CFAP47: variants seen among roughly 807,000 people sequenced by gnomAD.
CFAP47 encodes the protein cilia- and flagella-associated protein 47.
CFAP47 carries 29 observed loss-of-function variants against 148.1 expected under a neutral mutation model. The ratio of observed to expected loss-of-function variants is 0.20; its 90% CI spans 0.15 to 0.27. The LOEUF is 0.27. CFAP47 is among the 10% of genes least tolerant of loss of function. The pLI, the probability that CFAP47 is intolerant of heterozygous loss-of-function variation, is 1.00. For missense variants in CFAP47, 1,872 were observed against 1,697.5 expected, an observed-to-expected ratio of 1.10 and a Z score of -1.81; for synonymous variants, 664 against 577.3, an observed-to-expected ratio of 1.15 and a Z score of -2.15.
At chrX:36,320,624 C>A (rs960414839) in intron 57 of CFAP47, among the ~76,000 whole-genome samples, 2 of 111,907 alleles carry the variant, frequency 1.8e-5, no homozygotes, top group Non-Finnish European at 3.8e-5. Context: ...AGAGTATGAA[C>A]AACAGTTCAC....
chrX:36,032,990 C>T (rs1322875478), intron 23 of CFAP47, among the ~76,000 whole-genome samples: 2 of 111,325 alleles, frequency 1.8e-5, no homozygotes, highest in African/African-American at 6.5e-5. Flanking sequence ...TGCAGCTGGC[C>T]TCTAGAAACT....
intron 15 of CFAP47, among the ~76,000 whole-genome samples, chrX:35,985,179 C>T (rs748139190): frequency 9.0e-6 from 1 of 111,543 alleles, no homozygotes; most frequent in South Asian, 3.8e-4. Context: ...TGTGCTGTAA[C>T]TCTGGGAGCT....
chrX:36,100,056 G>A (rs190280960), intron 32 of CFAP47, among the ~76,000 whole-genome samples, 177 bp downstream of exon 32: 1 of 111,526 alleles, frequency 9.0e-6, no homozygotes, highest in East Asian at 2.8e-4. Flanking sequence ...AGCTTCTGGA[G>A]TATCTCTTTC....
chrX:36,015,602 C>T (rs896746233), intron 22 of CFAP47, among the ~76,000 whole-genome samples: 1 of 111,003 alleles, frequency 9.0e-6, no homozygotes, highest in African/African-American at 3.3e-5. Flanking sequence ...AGAGGTCTCA[C>T]GAAAATAGCA....
chrX:36,345,926 C>T (rs181540488), intron 57 of CFAP47, among the ~76,000 whole-genome samples: 94 of 111,079 alleles, frequency 8.5e-4, no homozygotes, highest in Non-Finnish European at 1.5e-3. Context: ...GAAAGTTTTG[C>T]AAAGGGGCCA....
At chrX:36,126,271 G>A (rs866800947) in intron 33 of CFAP47, among the ~76,000 whole-genome samples, 1 of 109,173 alleles carries the variant, frequency 9.2e-6, no homozygotes, top group Non-Finnish European at 1.9e-5. Context: ...GACAGGCCCC[G>A]GTGTGTGATG....
At chrX:36,016,255 T>TTATGCTTTTGTACCCATATACCATCCCC (rs1354017482) in intron 22 of CFAP47, among the ~76,000 whole-genome samples, 3 of 110,684 alleles carry the variant, frequency 2.7e-5, no homozygotes, top group African/African-American at 9.8e-5. Flanking sequence ...TTCTTTCTAA[T>TTATGCTTTTGTACCCATATACCATCCCC]TATGCTTTTG....
At chrX:36,105,993 G>T (rs940256152) in intron 33 of CFAP47, among the ~76,000 whole-genome samples, 6 of 111,705 alleles carry the variant, frequency 5.4e-5, no homozygotes, top group Non-Finnish European at 1.1e-4. Context: ...AAGCTTTTGT[G>T]CTTCCTGTTC....
intron 37 of CFAP47, among the ~76,000 whole-genome samples, chrX:36,155,722 T>A: frequency 9.0e-6 from 1 of 111,222 alleles, no homozygotes; most frequent in East Asian, 2.8e-4. Context: ...GATAAGGCTA[T>A]GTACCCACAG....
intron 62 of CFAP47, among the ~76,000 whole-genome samples, chrX:36,368,969 TCTAGTCAGCCATCTTG>T (rs1407612302): frequency 9.9e-5 from 11 of 111,488 alleles, no homozygotes; most frequent in Non-Finnish European, 1.9e-4. Flanking sequence ...GCCAGGCAAC[TCTAGTCAGCCATCTTG>T]CTGATGTGGT....
At chrX:36,053,202 C>A (rs1376162274) in intron 26 of CFAP47, among the ~76,000 whole-genome samples, 1 of 111,568 alleles carries the variant, frequency 9.0e-6, no homozygotes, top group Non-Finnish European at 1.9e-5. Context: ...CTGAGGGATA[C>A]TACCAGGTAG....
At chrX:36,381,054 T>C (rs1371200969) in intron 63 of CFAP47, among the ~76,000 whole-genome samples, 1 of 111,745 alleles carries the variant, frequency 8.9e-6, no homozygotes, top group African/African-American at 3.3e-5. Flanking sequence ...GTAGGGAAAA[T>C]TGAGTTTGAA....
At chrX:36,082,938 T>C (rs761752475) in intron 29 of CFAP47, among the ~76,000 whole-genome samples, 88 of 111,494 alleles carry the variant, frequency 7.9e-4, no homozygotes, top group African/African-American at 2.2e-3. Context: ...ATTTAATGCA[T>C]GTCAGAGCAG....
At chrX:35,995,478 G>T (rs760531895) in intron 18 of CFAP47, among the ~76,000 whole-genome samples, 1 of 111,411 alleles carries the variant, frequency 9.0e-6, no homozygotes, top group Non-Finnish European at 1.9e-5. Context: ...CTGGTGAAGA[G>T]GTCCAGGCAA....
chrX:36,020,752 C>G (rs1191405665), intron 22 of CFAP47, among the ~76,000 whole-genome samples: 2 of 111,627 alleles, frequency 1.8e-5, no homozygotes, highest in Non-Finnish European at 3.8e-5. Flanking sequence ...AATTGTGTTG[C>G]TTATAGGCAG....
At chrX:36,043,392 G>C (rs757355871) in intron 25 of CFAP47, among the ~76,000 whole-genome samples, 3 of 112,332 alleles carry the variant, frequency 2.7e-5, no homozygotes, top group Non-Finnish European at 5.6e-5. Flanking sequence ...GACAAGGTAA[G>C]TCCCTTCCAC....
chrX:35,925,961 T>A, intron 1 of CFAP47, 56 bp from the exon 2 acceptor site: 1 of 670,560 alleles, frequency 1.5e-6, no homozygotes, highest in East Asian at 4.7e-5. Context: ...AGCCATGGTA[T>A]TTTTTTTTTA....
chrX:36,235,579 G>A (rs1940449697), intron 46 of CFAP47, among the ~76,000 whole-genome samples: 1 of 112,512 alleles, frequency 8.9e-6, no homozygotes, highest in East Asian at 2.8e-4. Flanking sequence ...CCCGAGTGAG[G>A]CAATGCCTCG....
At chrX:35,949,141 G>C (rs755330393) in intron 4 of CFAP47, among the ~76,000 whole-genome samples, 1 of 51,650 alleles carries the variant, frequency 1.9e-5, no homozygotes, top group Non-Finnish European at 3.0e-5. Flanking sequence ...CATCTGTGGA[G>C]TGTGTGTGTG....
Sources: allele counts gnomAD v4.1 joint callset (sites outside exome capture counted in the v4.1 genomes callset), GRCh38; gene constraint gnomAD v4.1.1; transcripts MANE v1.5; gene names NCBI Gene and HGNC (gene_info 2026-07-23, HGNC 2026-07-21).